Variants in PCSK2 observed in about 807,000 individuals in gnomAD.
PCSK2 encodes proprotein convertase subtilisin/kexin type 2, also known as neuroendocrine convertase 2.
In PCSK2, 14 loss-of-function variants were observed where a neutral mutation model predicts 69.7. The ratio of observed to expected loss-of-function variants is 0.20; its 90% CI spans 0.13 to 0.31. The LOEUF is 0.31. PCSK2 is among the 10% of genes least tolerant of loss of function. The probability of loss-of-function intolerance (pLI) is 1.00; values close to 1 mark genes in which losing one functional copy is unlikely to be tolerated. For missense variants in PCSK2, 544 were observed against 842.5 expected, an observed-to-expected ratio of 0.65 and a Z score of 4.39; for synonymous variants, 307 against 320.7, an observed-to-expected ratio of 0.96 and a Z score of 0.46.
intron 6 of PCSK2, among the ~76,000 whole-genome samples, chr20:17,418,621 A>G (rs1193842758): frequency 2.6e-5 from 4 of 152,132 alleles, no homozygotes; most frequent in Non-Finnish European, 4.4e-5. Context: ...CTCTCATTAC[A>G]CTCAAGATAA....
chr20:17,462,998 G>A (rs1249805914), intron 10 of PCSK2, among the ~76,000 whole-genome samples: 1 of 152,170 alleles, frequency 6.6e-6, no homozygotes, highest in African/African-American at 2.4e-5. Flanking sequence ...AAGGAACCTG[G>A]TTTTACTCTT....
chr20:17,470,864 G>T (rs1251523916), intron 11 of PCSK2, among the ~76,000 whole-genome samples: 3 of 152,032 alleles, frequency 2.0e-5, no homozygotes, highest in Admixed American at 2.0e-4. Context: ...GTGGGGGCTG[G>T]AATGTCCCTC....
At chr20:17,318,143 A>G (rs1989746294) in intron 2 of PCSK2, among the ~76,000 whole-genome samples, 1 of 152,218 alleles carries the variant, frequency 6.6e-6, no homozygotes, top group South Asian at 2.1e-4. Context: ...ACTTGCTTAC[A>G]GTGAGCTCCT....
intron 6 of PCSK2, among the ~76,000 whole-genome samples, chr20:17,413,156 G>A (rs60315018): frequency 0.039 from 5,894 of 152,232 alleles, 394 homozygotes; most frequent in African/African-American, 0.13. Flanking sequence ...ACATCATAAT[G>A]ACAGAATCAA....
At chr20:17,468,097 G>C (rs2033133438) in intron 11 of PCSK2, among the ~76,000 whole-genome samples, 1 of 50,478 alleles carries the variant, frequency 2.0e-5, no homozygotes, top group African/African-American at 6.5e-5. Flanking sequence ...CCCGTAGATG[G>C]GCAGCCCACC....
intron 2 of PCSK2, among the ~76,000 whole-genome samples, chr20:17,268,447 G>A (rs1179643263): frequency 2.0e-5 from 3 of 152,074 alleles, no homozygotes; most frequent in Non-Finnish European, 2.9e-5. Flanking sequence ...TGGGAAAGTG[G>A]CATTTAAATA....
intron 2 of PCSK2, among the ~76,000 whole-genome samples, chr20:17,322,296 G>T (rs1170347467): frequency 1.3e-5 from 2 of 152,126 alleles, no homozygotes; most frequent in African/African-American, 4.8e-5. Context: ...TAAGCATATG[G>T]AGGTAAGGGT....
intron 5 of PCSK2, among the ~76,000 whole-genome samples, chr20:17,391,980 A>C (rs1309626806): frequency 6.7e-6 from 1 of 148,550 alleles, no homozygotes; most frequent in African/African-American, 2.5e-5. Flanking sequence ...AAGGAAGGGA[A>C]GGGAAGGAAG....
intron 11 of PCSK2, among the ~76,000 whole-genome samples, chr20:17,468,081 T>C (rs11697906): frequency 1.3e-3 from 53 of 39,372 alleles, no homozygotes; most frequent in Middle Eastern, 0.022. Context: ...CACGGGCCAG[T>C]GTCCTCCCGT....
intron 2 of PCSK2, among the ~76,000 whole-genome samples, chr20:17,342,120 T>A (rs1215588139): frequency 6.6e-6 from 1 of 152,170 alleles, no homozygotes; most frequent in Non-Finnish European, 1.5e-5. Flanking sequence ...ACTGTAAATG[T>A]TCTTGAGTGA....
At chr20:17,425,636 T>G (rs2032231885) in intron 6 of PCSK2, among the ~76,000 whole-genome samples, 1 of 152,220 alleles carries the variant, frequency 6.6e-6, no homozygotes, top group Admixed American at 6.5e-5. Flanking sequence ...ATCTTGGCCC[T>G]GAAATATTAG....
intron 11 of PCSK2, among the ~76,000 whole-genome samples, chr20:17,481,316 A>G (rs1215030326): frequency 6.9e-6 from 1 of 144,998 alleles, no homozygotes; most frequent in Non-Finnish European, 1.5e-5. Context: ...CAGGAGCTGA[A>G]GGTTGCAGTG....
At chr20:17,307,906 A>G (rs1175185533) in intron 2 of PCSK2, among the ~76,000 whole-genome samples, 2 of 152,206 alleles carry the variant, frequency 1.3e-5, no homozygotes, top group East Asian at 3.9e-4. Flanking sequence ...GCTGTACAGG[A>G]AGCATAGTGG....
At chr20:17,346,315 A>C (rs1990652146) in intron 2 of PCSK2, among the ~76,000 whole-genome samples, 1 of 151,948 alleles carries the variant, frequency 6.6e-6, no homozygotes, top group African/African-American at 2.4e-5. Context: ...CTTTCCAGGG[A>C]GGTGTAGTGC....
chr20:17,352,906 A>G (rs2030042174), intron 2 of PCSK2, among the ~76,000 whole-genome samples: 1 of 152,194 alleles, frequency 6.6e-6, no homozygotes, highest in Admixed American at 6.5e-5. Context: ...TAAACAGGCA[A>G]CCTAGAGAAT....
chr20:17,347,674 G>A (rs1352166708), intron 2 of PCSK2, among the ~76,000 whole-genome samples: 2 of 151,964 alleles, frequency 1.3e-5, no homozygotes, highest in Non-Finnish European at 2.9e-5. Context: ...CTCCAGCAGG[G>A]ATGTTGATAA....
At chr20:17,272,764 A>G (rs1987920283) in intron 2 of PCSK2, among the ~76,000 whole-genome samples, 1 of 152,132 alleles carries the variant, frequency 6.6e-6, no homozygotes, top group South Asian at 2.1e-4. Context: ...AAAGTTCTGA[A>G]AAATCATTCA....
intron 7 of PCSK2, among the ~76,000 whole-genome samples, chr20:17,432,762 A>G (rs965908537): frequency 6.6e-6 from 1 of 152,244 alleles, no homozygotes; most frequent in Admixed American, 6.5e-5. Flanking sequence ...GACCACATCA[A>G]GGAGTCGTAA....
intron 3 of PCSK2, 96 bp downstream of exon 3, chr20:17,358,536 A>G (rs1006774940): frequency 2.8e-6 from 2 of 726,538 alleles, no homozygotes; most frequent in East Asian, 5.3e-5. Context: ...GATGTTAGCC[A>G]GTATCCAACC....
Sources: allele counts gnomAD v4.1 joint callset (sites outside exome capture counted in the v4.1 genomes callset), GRCh38; gene constraint gnomAD v4.1.1; transcripts MANE v1.5; gene names NCBI Gene and HGNC (gene_info 2026-07-23, HGNC 2026-07-21).